BCKDHB: variants seen among roughly 807,000 people sequenced by gnomAD.
BCKDHB encodes the protein 2-oxoisovalerate dehydrogenase subunit beta, mitochondrial.
BCKDHB carries 41 observed loss-of-function variants against 48.5 expected under a neutral mutation model. The observed-to-expected ratio is 0.85, with a 90% CI of 0.66 to 1.10. BCKDHB has a LOEUF of 1.10. Among genes scored for constraint, BCKDHB ranks in the 50% least tolerant of loss-of-function variants. The pLI, the probability that BCKDHB is intolerant of heterozygous loss-of-function variation, is 0.00. For missense variants in BCKDHB, 496 were observed against 494.2 expected (o/e 1.00, Z -0.03); for synonymous variants, 201 against 174.8 (o/e 1.15, Z -1.18).
At chr6:80,333,532 G>T (rs1313494197) in intron 9 of BCKDHB, among the ~76,000 whole-genome samples, 1 of 151,916 alleles carries the variant, frequency 6.6e-6, no homozygotes, top group Non-Finnish European at 1.5e-5. Context: ...CTGGATTTCC[G>T]CCAGGATGGG....
chr6:80,125,504 G>T (rs1040193227), intron 1 of BCKDHB, among the ~76,000 whole-genome samples: 65 of 152,176 alleles, frequency 4.3e-4, no homozygotes, highest in African/African-American at 1.4e-3. Context: ...CTAGCTTTCA[G>T]ACTCTCTGGA....
chr6:80,272,565 G>T (rs955802512), intron 8 of BCKDHB, among the ~76,000 whole-genome samples: 1 of 152,124 alleles, frequency 6.6e-6, no homozygotes, highest in Admixed American at 6.6e-5. Flanking sequence ...CTCATTGTTT[G>T]TGACATTTTA....
chr6:80,127,358 C>T (rs1770397975), intron 1 of BCKDHB, 189 bp from the exon 2 acceptor site: 12 of 574,644 alleles, frequency 2.1e-5, no homozygotes, highest in Non-Finnish European at 3.4e-5. Flanking sequence ...TAAATTTTGC[C>T]CCATTAACAA....
chr6:80,216,019 C>T (rs975175834), intron 8 of BCKDHB, among the ~76,000 whole-genome samples: 2 of 152,142 alleles, frequency 1.3e-5, no homozygotes, highest in Non-Finnish European at 1.5e-5. Flanking sequence ...GGATTACAGA[C>T]GTGAGCCACC....
intron 9 of BCKDHB, among the ~76,000 whole-genome samples, chr6:80,330,075 T>C (rs1196805097): frequency 1.3e-5 from 2 of 150,780 alleles, no homozygotes; most frequent in African/African-American, 4.9e-5. Context: ...AAACAAGAGT[T>C]TTAGAAGAGA....
At chr6:80,108,877 C>A (rs1582153561) in intron 1 of BCKDHB, among the ~76,000 whole-genome samples, 1 of 151,992 alleles carries the variant, frequency 6.6e-6, no homozygotes, top group Non-Finnish European at 1.5e-5. Context: ...CCCAAAAAAC[C>A]AAAAAACAAA....
intron 9 of BCKDHB, among the ~76,000 whole-genome samples, chr6:80,311,765 A>G (rs1562222228): frequency 6.6e-6 from 1 of 151,992 alleles, no homozygotes. Context: ...TGGGTTCTCT[A>G]TTGTGTTTCA....
intron 8 of BCKDHB, among the ~76,000 whole-genome samples, chr6:80,257,433 C>CATATAT (rs58367109): frequency 4.1e-4 from 60 of 146,810 alleles, no homozygotes; most frequent in Middle Eastern, 3.6e-3. Context: ...CTTAAAGATA[C>CATATAT]ATATATATAT....
chr6:80,424,327 A>C, the BCKDHB span, among the ~76,000 whole-genome samples: 1 of 152,188 alleles, frequency 6.6e-6, no homozygotes, highest in African/African-American at 2.4e-5. Flanking sequence ...TTTTAAGTTA[A>C]AGGTCTCTAA....
chr6:80,214,024 A>AC (rs1160892867), intron 8 of BCKDHB, among the ~76,000 whole-genome samples: 1 of 151,960 alleles, frequency 6.6e-6, no homozygotes, highest in South Asian at 2.1e-4. Context: ...CCATCCTTTC[A>AC]CCCCAATTAT....
chr6:80,227,673 C>T (rs753457734), intron 8 of BCKDHB, among the ~76,000 whole-genome samples: 1 of 152,144 alleles, frequency 6.6e-6, no homozygotes, highest in Non-Finnish European at 1.5e-5. Flanking sequence ...GTTAATAATA[C>T]AATCTGTTCT....
chr6:80,340,984 G>T (rs773726832), intron 9 of BCKDHB, among the ~76,000 whole-genome samples: 1 of 152,186 alleles, frequency 6.6e-6, no homozygotes, highest in Non-Finnish European at 1.5e-5. Context: ...ATTTCCAACT[G>T]CTTAAAAATA....
intron 8 of BCKDHB, among the ~76,000 whole-genome samples, chr6:80,241,504 C>G (rs1359888221): frequency 6.6e-6 from 1 of 152,168 alleles, no homozygotes. Context: ...TTCTAACAGT[C>G]AGGACCCTCA....
At chr6:80,310,884 C>T (rs1417926189) in intron 9 of BCKDHB, among the ~76,000 whole-genome samples, 4 of 124,350 alleles carry the variant, frequency 3.2e-5, no homozygotes, top group Non-Finnish European at 7.4e-5. Context: ...TTGATGGCCA[C>T]ATGTATGTCT....
chr6:80,126,529 A>G (rs1388194981), intron 1 of BCKDHB, among the ~76,000 whole-genome samples: 1 of 152,170 alleles, frequency 6.6e-6, no homozygotes, highest in Non-Finnish European at 1.5e-5. Context: ...GGCAGTGATC[A>G]GGGTAAGCAA....
At chr6:80,397,187 A>G in the BCKDHB span, among the ~76,000 whole-genome samples, 1 of 152,174 alleles carries the variant, frequency 6.6e-6, no homozygotes, top group African/African-American at 2.4e-5. Flanking sequence ...ATACTGGTCT[A>G]TCTGCTTCCT....
chr6:80,449,197 T>C, the BCKDHB span, among the ~76,000 whole-genome samples: 2 of 152,232 alleles, frequency 1.3e-5, no homozygotes, highest in Non-Finnish European at 2.9e-5. Flanking sequence ...CTTTTTCCCA[T>C]GCTATGTGCT....
In BCKDHB at chr6:80,273,161, A is replaced by C. The variant is rs533298369; in HGVS notation, c.978A>C (p.Leu326=). 6.2e-7 allele frequency: 1 copy of C among 1,613,496 alleles called. No homozygotes were observed. Among genetic ancestry groups the C allele is most frequent in the Middle Eastern group, 1.7e-4 (1 of 6,056 alleles). ...CKSVIKTGRL[L]ISHEAPLTGG... ...CTGTGATCAAAACAGGGCGACTGCT[A>C]ATCAGTCACGAGGCTCCCTTGACAG... is the stretch of plus-strand genomic sequence containing the variant. Residue 326 remains leucine, a synonymous_variant, in exon 9 of 10, where the codon CTA becomes CTC. Coordinates refer to ENST00000320393, the MANE Select transcript of BCKDHB (RefSeq NM_183050.4).
At chr6:80,414,223 A>G in the BCKDHB span, among the ~76,000 whole-genome samples, 62 of 151,574 alleles carry the variant, frequency 4.1e-4, no homozygotes, top group Middle Eastern at 6.8e-3. Context: ...TGCTTTGCAA[A>G]TTTTTTCTCC....
Sources: allele counts gnomAD v4.1 joint callset (sites outside exome capture counted in the v4.1 genomes callset), GRCh38; gene constraint gnomAD v4.1.1; transcripts MANE v1.5; gene names NCBI Gene and HGNC (gene_info 2026-07-23, HGNC 2026-07-21).